Variants in CTNNA1 observed in about 807,000 individuals in gnomAD.
CTNNA1 encodes the protein catenin alpha-1.
In CTNNA1, 37 loss-of-function variants were observed where a neutral mutation model predicts 98.4. The ratio of observed to expected loss-of-function variants is 0.38; its 90% CI spans 0.29 to 0.49. CTNNA1 has a LOEUF of 0.49. Ranked by LOEUF, CTNNA1 falls within the 20% of genes least tolerant of loss-of-function variation. The pLI, the probability that CTNNA1 is intolerant of heterozygous loss-of-function variation, is 0.95. For synonymous variants in CTNNA1, 404 were observed against 413.2 expected (o/e 0.98, Z 0.27); for missense variants, 761 against 1,147.2 (o/e 0.66, Z 4.86).
At chr5:138,894,755 A>G (rs1476317766) in intron 9 of CTNNA1, among the ~76,000 whole-genome samples, 1 of 152,166 alleles carries the variant, frequency 6.6e-6, no homozygotes, top group Non-Finnish European at 1.5e-5. Context: ...AATAATATTC[A>G]AAAATCCAGA....
chr5:138,865,922 A>G (rs1009638398), intron 7 of CTNNA1, among the ~76,000 whole-genome samples: 2 of 152,192 alleles, frequency 1.3e-5, no homozygotes, highest in Non-Finnish European at 2.9e-5. Context: ...GTTGCCCTCC[A>G]TGTATTTGAC....
At chr5:138,767,033 TTTTC>T (rs147493635) in intron 1 of CTNNA1, among the ~76,000 whole-genome samples, 3 of 151,176 alleles carry the variant, frequency 2.0e-5, no homozygotes, top group Non-Finnish European at 4.4e-5. Context: ...ATTTCATAAC[TTTTC>T]TTTCTTTCTT....
intron 5 of CTNNA1, among the ~76,000 whole-genome samples, chr5:138,818,640 G>A (rs2149756511): frequency 6.6e-6 from 1 of 152,282 alleles, no homozygotes; most frequent in East Asian, 1.9e-4. Flanking sequence ...GTAACTTTGG[G>A]TGCCTCAGTT....
intron 7 of CTNNA1, chr5:138,875,099 T>C: frequency 1.8e-6 from 1 of 555,116 alleles, no homozygotes; most frequent in South Asian, 2.6e-5. Flanking sequence ...TGGAAAGCAT[T>C]GGTTTCATTT....
intron 10 of CTNNA1, among the ~76,000 whole-genome samples, chr5:138,907,224 G>A (rs972500120): frequency 3.9e-5 from 6 of 152,124 alleles, no homozygotes; most frequent in African/African-American, 1.4e-4. Context: ...GTTTCACCAT[G>A]TTGCCCATGC....
chr5:138,754,407 A>C (rs1487698319), intron 1 of CTNNA1: 1 of 151,886 alleles, frequency 6.6e-6, no homozygotes, highest in Non-Finnish European at 1.5e-5. Flanking sequence ...ACTCCCTCTT[A>C]CGTCCTCTTG....
chr5:138,783,471 T>A (rs1755359937), intron 3 of CTNNA1, 99 bp downstream of exon 3: 1 of 963,692 alleles, frequency 1.0e-6, no homozygotes, highest in Non-Finnish European at 1.6e-6. Context: ...TTCTTATGCT[T>A]GCCAATTGCT....
intron 7 of CTNNA1, among the ~76,000 whole-genome samples, chr5:138,860,077 G>C (rs1287823870): frequency 6.6e-6 from 1 of 152,086 alleles, no homozygotes; most frequent in Non-Finnish European, 1.5e-5. Flanking sequence ...TATTTGAAAG[G>C]TGAGATCTTA....
chr5:138,895,352 T>C (rs972610269), intron 9 of CTNNA1, among the ~76,000 whole-genome samples: 1 of 152,210 alleles, frequency 6.6e-6, no homozygotes, highest in Non-Finnish European at 1.5e-5. Context: ...TGTGTAACAT[T>C]TGCACAAAAG....
At chr5:138,877,180 A>G (rs1182933120) in intron 7 of CTNNA1, among the ~76,000 whole-genome samples, 1 of 152,226 alleles carries the variant, frequency 6.6e-6, no homozygotes, top group Non-Finnish European at 1.5e-5. Context: ...GAAGGAAACA[A>G]GTCCTGGTTT....
At chr5:138,914,063 G>T (rs1028652550) in intron 10 of CTNNA1, among the ~76,000 whole-genome samples, 3 of 152,174 alleles carry the variant, frequency 2.0e-5, no homozygotes, top group Admixed American at 6.5e-5. Flanking sequence ...TCAGAAATGA[G>T]TATTTAATAT....
intron 7 of CTNNA1, among the ~76,000 whole-genome samples, chr5:138,842,504 TGATAAAG>T (rs1762358792): frequency 6.6e-6 from 1 of 152,226 alleles, no homozygotes; most frequent in South Asian, 2.1e-4. Context: ...ATTTCTGTTG[TGATAAAG>T]GATCCTCTCA....
intron 9 of CTNNA1, among the ~76,000 whole-genome samples, chr5:138,895,210 G>T (rs1469349679): frequency 6.6e-6 from 1 of 152,172 alleles, no homozygotes; most frequent in East Asian, 1.9e-4. Context: ...TCAACATTCA[G>T]ATTCCTGGGC....
At chr5:138,887,675 G>A (rs2150033542) in intron 9 of CTNNA1, 33 bp downstream of exon 9, 1 of 1,582,428 alleles carries the variant, frequency 6.3e-7, no homozygotes, top group Non-Finnish European at 8.6e-7. Context: ...TGACTTGTAG[G>A]CAACTTGGTG....
intron 6 of CTNNA1, among the ~76,000 whole-genome samples, chr5:138,826,270 G>A (rs1456739146): frequency 6.6e-6 from 1 of 152,188 alleles, no homozygotes; most frequent in Non-Finnish European, 1.5e-5. Flanking sequence ...TATTGGAAAA[G>A]GGCAAGGTTT....
At chr5:138,920,755 A>T (rs551064015) in intron 11 of CTNNA1, among the ~76,000 whole-genome samples, 2 of 152,266 alleles carry the variant, frequency 1.3e-5, no homozygotes, top group South Asian at 2.1e-4. Flanking sequence ...AGTCACTGAG[A>T]ACCTGTCCAA....
chr5:138,840,533 C>A (rs550896664), intron 7 of CTNNA1, among the ~76,000 whole-genome samples: 1 of 152,214 alleles, frequency 6.6e-6, no homozygotes, highest in African/African-American at 2.4e-5. Flanking sequence ...AAGGAGTAGG[C>A]TTTACTTTTT....
At chr5:138,760,112 A>G (rs1221551408) in intron 1 of CTNNA1, among the ~76,000 whole-genome samples, 1 of 145,136 alleles carries the variant, frequency 6.9e-6, no homozygotes, top group Non-Finnish European at 1.5e-5. Flanking sequence ...CTCCTGCCTC[A>G]GCCTCCTGAG....
intron 7 of CTNNA1, among the ~76,000 whole-genome samples, chr5:138,854,544 C>T (rs1248045928): frequency 1.3e-5 from 2 of 152,144 alleles, no homozygotes; most frequent in Non-Finnish European, 2.9e-5. Context: ...CAGAACAGTT[C>T]AACAGACTCC....
Sources: allele counts gnomAD v4.1 joint callset (sites outside exome capture counted in the v4.1 genomes callset), GRCh38; gene constraint gnomAD v4.1.1; transcripts MANE v1.5; gene names NCBI Gene and HGNC (gene_info 2026-07-23, HGNC 2026-07-21).